The following NUMB variants were observed in gnomAD, a reference collection of about 807,000 sequenced individuals.
The protein encoded by NUMB is NUMB endocytic adaptor protein, also known as protein numb homolog.
A neutral mutation model predicts 59.7 loss-of-function variants in NUMB; 29 were observed. That is an observed-to-expected ratio of 0.49 (90% CI 0.36 to 0.66). The LOEUF is 0.66. Ranked by LOEUF, NUMB falls within the 30% of genes least tolerant of loss-of-function variation. The pLI, the probability that NUMB is intolerant of heterozygous loss-of-function variation, is 0.00. For synonymous variants in NUMB, 288 were observed against 288.2 expected, an observed-to-expected ratio of 1.00 and a Z score of 0.01; for missense variants, 723 against 822.0, an observed-to-expected ratio of 0.88 and a Z score of 1.47.
intron 2 of NUMB, among the ~76,000 whole-genome samples, chr14:73,407,730 C>A (rs1896733160): frequency 2.0e-5 from 3 of 152,200 alleles, no homozygotes; most frequent in Admixed American, 2.0e-4. Flanking sequence ...TCTGGGTCTT[C>A]TGCTTCCTAA....
chr14:73,409,066 CTTT>C, intron 2 of NUMB: 1 of 152,086 alleles, frequency 6.6e-6, no homozygotes, highest in South Asian at 2.1e-4. Flanking sequence ...TATTTATATT[CTTT>C]ATCTCAAAAG....
At chr14:73,379,304 TA>T (rs1254376971) in intron 2 of NUMB, among the ~76,000 whole-genome samples, 7 of 152,166 alleles carry the variant, frequency 4.6e-5, no homozygotes, top group South Asian at 4.1e-4. Context: ...ATGAACTTTG[TA>T]AAAAAAATTA....
chr14:73,416,993 G>A (rs1184809973), intron 1 of NUMB, among the ~76,000 whole-genome samples: 1 of 151,700 alleles, frequency 6.6e-6, no homozygotes, highest in African/African-American at 2.4e-5. Context: ...GAATGGCATG[G>A]CAGAGGAGAA....
At chr14:73,407,455 CA>C (rs1466566841) in intron 2 of NUMB, among the ~76,000 whole-genome samples, 1 of 152,082 alleles carries the variant, frequency 6.6e-6, no homozygotes, top group Non-Finnish European at 1.5e-5. Context: ...AAAACAAAAA[CA>C]AAAACAGCTT....
intron 4 of NUMB, among the ~76,000 whole-genome samples, chr14:73,335,146 A>G (rs1378221453): frequency 6.6e-6 from 1 of 151,938 alleles, no homozygotes; most frequent in Non-Finnish European, 1.5e-5. Flanking sequence ...TTATATTAAT[A>G]ATAAAATGAG....
intron 6 of NUMB, among the ~76,000 whole-genome samples, chr14:73,301,588 C>A (rs1594881973): frequency 6.6e-6 from 1 of 151,974 alleles, no homozygotes. Flanking sequence ...CAGGCGTGCA[C>A]TACCATACCC....
chr14:73,300,817 C>A (rs1021950623), intron 6 of NUMB, among the ~76,000 whole-genome samples: 1 of 152,056 alleles, frequency 6.6e-6, no homozygotes, highest in Non-Finnish European at 1.5e-5. Context: ...CCCCTCACCC[C>A]ACAACAGGCC....
At chr14:73,304,060 T>C (rs1890289943) in intron 6 of NUMB, among the ~76,000 whole-genome samples, 1 of 152,176 alleles carries the variant, frequency 6.6e-6, no homozygotes, top group South Asian at 2.1e-4. Flanking sequence ...AGTGGATCTA[T>C]TACAAATTAC....
At chr14:73,334,344 G>T (rs1892170737) in intron 4 of NUMB, among the ~76,000 whole-genome samples, 1 of 151,684 alleles carries the variant, frequency 6.6e-6, no homozygotes, top group Non-Finnish European at 1.5e-5. Flanking sequence ...TTCTTTTTTT[G>T]CACTATCTTT....
intron 2 of NUMB, among the ~76,000 whole-genome samples, chr14:73,398,407 AGAGAGAGAGTGTGTGTGTGT>A (rs948208380): frequency 9.5e-5 from 11 of 115,484 alleles, no homozygotes; most frequent in African/African-American, 3.7e-4. Flanking sequence ...AGAGAGAGAG[AGAGAGAGAGTGTGTGTGTGT>A]GTGTGTGTGT....
chr14:73,285,944 G>C (rs961452673), intron 9 of NUMB, among the ~76,000 whole-genome samples: 3 of 149,676 alleles, frequency 2.0e-5, no homozygotes, highest in Non-Finnish European at 4.4e-5. Flanking sequence ...AAAAAACACC[G>C]AAATCAAACC....
chr14:73,421,977 A>G lies in NUMB; in HGVS notation c.-232-11909T>C, dbSNP rs569009930. On this transcript the variant is annotated intron_variant, in intron 1 of 12. Transcript: ENST00000555238. Reference sequence around the variant, plus strand: ...AACATCGTGAAACCCCGTCTCTACTAAAAATACAAAAAATTAGCCCGGTGT... The same window carrying G: ...AACATCGTGAAACCCCGTCTCTACTGAAAATACAAAAAATTAGCCCGGTGT... Among the ~76,000 whole-genome samples, 16 of 152,106 alleles carry G rather than the reference A, an allele frequency of 1.1e-4. No homozygotes were observed. The South Asian group carries it at 3.1e-3, about 30-fold the overall frequency.
At chr14:73,293,968 C>T (rs1329369245) in intron 7 of NUMB, among the ~76,000 whole-genome samples, 2 of 152,188 alleles carry the variant, frequency 1.3e-5, no homozygotes, top group Non-Finnish European at 2.9e-5. Flanking sequence ...CTAATTCCAA[C>T]ATCTGAGTCA....
At chr14:73,389,286 A>AAAAAAAG (rs1895717773) in intron 2 of NUMB, among the ~76,000 whole-genome samples, 1 of 97,884 alleles carries the variant, frequency 1.0e-5, no homozygotes, top group Non-Finnish European at 1.8e-5. Flanking sequence ...AAAAAAAAAA[A>AAAAAAAG]AAAAAAACAA....
intron 3 of NUMB, among the ~76,000 whole-genome samples, chr14:73,366,636 T>C (rs904680390): frequency 1.2e-4 from 18 of 152,146 alleles, no homozygotes; most frequent in Non-Finnish European, 2.2e-4. Context: ...AACAAGTAAA[T>C]GAAGAGGCTA....
chr14:73,359,277 C>G (rs1893978327), intron 3 of NUMB, among the ~76,000 whole-genome samples: 1 of 152,166 alleles, frequency 6.6e-6, no homozygotes, highest in African/African-American at 2.4e-5. Flanking sequence ...ACCCAGGAGG[C>G]AGAGGCTGCA....
intron 9 of NUMB, 110 bp downstream of exon 9, chr14:73,287,000 T>G (rs531346006): frequency 9.6e-7 from 1 of 1,036,384 alleles, no homozygotes; most frequent in South Asian, 1.3e-5. Context: ...GGTTTTATAT[T>G]GCTAAGGGTT....
chr14:73,364,401 G>A (rs1894236625), intron 3 of NUMB, among the ~76,000 whole-genome samples: 2 of 152,102 alleles, frequency 1.3e-5, no homozygotes, highest in Non-Finnish European at 2.9e-5. Context: ...CTACTCAGGA[G>A]GTTGAGGTGG....
At chr14:73,382,599 C>T (rs1895301422) in intron 2 of NUMB, among the ~76,000 whole-genome samples, 1 of 152,102 alleles carries the variant, frequency 6.6e-6, no homozygotes, top group Admixed American at 6.6e-5. Flanking sequence ...TAGATTTAAA[C>T]CAGCCCTTGA....
Sources: gnomAD v4.1 joint callset for allele counts (sites outside exome capture counted in the v4.1 genomes callset) on GRCh38, gnomAD v4.1.1 for gene constraint, MANE v1.5 for transcripts, NCBI Gene and HGNC (gene_info 2026-07-23, HGNC 2026-07-21) for gene names.